HIPK2: variants seen among roughly 807,000 people sequenced by gnomAD.
The protein encoded by HIPK2 is homeodomain interacting protein kinase 2.
HIPK2 carries 27 observed loss-of-function variants against 113.7 expected under a neutral mutation model. That is an observed-to-expected ratio of 0.24 (90% CI 0.17 to 0.33). The LOEUF is 0.33. HIPK2 is among the 10% of genes least tolerant of loss of function. The pLI is 1.00. For missense variants in HIPK2, 1,257 were observed against 1,588.0 expected (o/e 0.79, Z 3.54); for synonymous variants, 631 against 642.2 (o/e 0.98, Z 0.26).
At chr7:139,667,922 G>A (rs1485258313) in intron 2 of HIPK2, among the ~76,000 whole-genome samples, 1 of 151,876 alleles carries the variant, frequency 6.6e-6, no homozygotes, top group Non-Finnish European at 1.5e-5. Context: ...GAGGTCAGGA[G>A]TTCGAGACCA....
intron 1 of HIPK2, among the ~76,000 whole-genome samples, chr7:139,751,841 C>T (rs914586071): frequency 6.6e-6 from 1 of 152,028 alleles, no homozygotes; most frequent in African/African-American, 2.4e-5. Flanking sequence ...CTCTGAGAAA[C>T]ATGTTGAGAA....
At chr7:139,750,708 G>C (rs763327398) in intron 1 of HIPK2, among the ~76,000 whole-genome samples, 5 of 152,216 alleles carry the variant, frequency 3.3e-5, no homozygotes, top group Non-Finnish European at 5.9e-5. Flanking sequence ...AATGAGGACT[G>C]CTGTGAGAAG....
Position 139,631,537 on chromosome 7 carries a change from C to T in HIPK2, c.1227+65G>A, listed in dbSNP as rs1800618060. 2 of 1,583,944 alleles carry T rather than the reference C, an allele frequency of 1.3e-6. No individual in the cohort carries two copies. ...CATTTGTCATGTAATCAATGAAATG[C>T]TAATCCAGGCTATTTTCCAGATGAA... On this transcript the variant is annotated intron_variant, in intron 3 of 14. Coordinates refer to ENST00000406875, the MANE Select transcript of HIPK2 (RefSeq NM_022740.5). This position sits in a 1 kb window ranked among gnomAD's most constrained non-coding sequence, Gnocchi z 4.9.
intron 2 of HIPK2, among the ~76,000 whole-genome samples, chr7:139,712,773 G>A (rs1795109946): frequency 1.3e-5 from 2 of 152,226 alleles, no homozygotes; most frequent in Admixed American, 6.5e-5. Context: ...AGAGCTGGCT[G>A]TCCCACACAG....
intron 12 of HIPK2, among the ~76,000 whole-genome samples, chr7:139,592,663 T>G (rs1036696870): frequency 2.0e-5 from 3 of 152,320 alleles, no homozygotes; most frequent in Non-Finnish European, 2.9e-5. Context: ...AAGGTAAAGA[T>G]AGCAGGGGGG....
intron 11 of HIPK2, 184 bp from the exon 12 acceptor site, chr7:139,597,182 C>A (rs1799252723): frequency 9.2e-6 from 2 of 216,458 alleles, no homozygotes; most frequent in African/African-American, 4.7e-5. Context: ...CACAGGCCTT[C>A]TCTGGGCTCT....
chr7:139,641,929 T>C (rs551559933), intron 2 of HIPK2, among the ~76,000 whole-genome samples: 1 of 152,360 alleles, frequency 6.6e-6, no homozygotes, highest in South Asian at 2.1e-4. Context: ...TGAGTTTTTA[T>C]TTCACCATCT....
rs1003176904 is a variant in HIPK2 at position 139,568,548 on chromosome 7, T to C, written c.*4379A>G. On this transcript the variant is annotated 3_prime_UTR_variant, in exon 15 of 15. Transcript: ENST00000406875. ...GGTTCACCAGGCTCCAGTTAAACAC[T>C]CCTCCGTGACCTGACATTTCAAATC... The C allele has an allele frequency of 5.9e-5, 9 of 152,184 alleles. No homozygotes were observed. Among genetic ancestry groups the C allele is most frequent in the Admixed American group, 2.0e-4 (3 of 15,286 alleles). The allele number at this position is 152,184 out of a possible 1,614,324, so 9.4% of individuals were successfully genotyped here.
intron 2 of HIPK2, among the ~76,000 whole-genome samples, chr7:139,685,523 T>G (rs542987898): frequency 6.6e-6 from 1 of 152,198 alleles, no homozygotes; most frequent in Admixed American, 6.5e-5. Context: ...TCTAGGACTT[T>G]CGTAGCTAGA....
At chr7:139,675,858 G>A (rs1409657101) in intron 2 of HIPK2, among the ~76,000 whole-genome samples, 1 of 152,118 alleles carries the variant, frequency 6.6e-6, no homozygotes, top group African/African-American at 2.4e-5. Context: ...TCAAAATGAT[G>A]CTCTTTCTTC....
intron 1 of HIPK2, among the ~76,000 whole-genome samples, chr7:139,766,793 T>C (rs917596936): frequency 2.6e-5 from 4 of 152,218 alleles, no homozygotes; most frequent in African/African-American, 9.6e-5. Context: ...ATAGAGCTCT[T>C]AAATATTAGT....
At chr7:139,736,128 T>C (rs1303318589) in intron 1 of HIPK2, among the ~76,000 whole-genome samples, 2 of 151,990 alleles carry the variant, frequency 1.3e-5, no homozygotes, top group Non-Finnish European at 2.9e-5. Flanking sequence ...AATGAAAGCA[T>C]GTGGCCAGGG....
intron 2 of HIPK2, among the ~76,000 whole-genome samples, chr7:139,659,908 C>A (rs1008182222): frequency 6.6e-6 from 1 of 152,226 alleles, no homozygotes; most frequent in Non-Finnish European, 1.5e-5. Flanking sequence ...CAAAAACAGA[C>A]CTATTTATAG....
chr7:139,646,276 A>T (rs1252316646), intron 2 of HIPK2, among the ~76,000 whole-genome samples: 1 of 152,120 alleles, frequency 6.6e-6, no homozygotes, highest in Non-Finnish European at 1.5e-5. Flanking sequence ...CGGGAGGATC[A>T]CTTGAGGCCA....
At chr7:139,587,150 A>G (rs1798857811) in intron 12 of HIPK2, among the ~76,000 whole-genome samples, 1 of 152,220 alleles carries the variant, frequency 6.6e-6, no homozygotes, top group African/African-American at 2.4e-5. Context: ...GTACACATTC[A>G]ACGGGTGAAC....
At position 139,573,417 on chromosome 7, in the gene HIPK2, A is replaced by G; in HGVS notation, c.3127-20T>C. 1 of 1,598,998 alleles carries G rather than the reference A, an allele frequency of 6.3e-7. No homozygotes were observed. The highest frequency in any genetic ancestry group is 1.1e-5 in the South Asian group (1 of 90,886). On this transcript the variant is annotated intron_variant, in intron 14 of 14. Transcript: ENST00000406875. The stretch of plus-strand genomic sequence containing the variant: ...CTGAGCCTGGGGAGGAGAGGCACCA[A>G]GAGAGACGTCAGGGGCCGACACATG...
intron 1 of HIPK2, among the ~76,000 whole-genome samples, chr7:139,743,729 A>G (rs1483460856): frequency 6.6e-6 from 1 of 152,210 alleles, no homozygotes; most frequent in Non-Finnish European, 1.5e-5. Context: ...CTTTGTGCTA[A>G]GAAGAGCTCT....
chr7:139,587,770 C>T (rs778754628), intron 12 of HIPK2, among the ~76,000 whole-genome samples: 3 of 151,652 alleles, frequency 2.0e-5, no homozygotes, highest in South Asian at 2.1e-4. Context: ...CCTAGCTGCT[C>T]GGGAGACTGA....
chr7:139,571,604 T>C lies in HIPK2; in HGVS notation c.*1323A>G, dbSNP rs1041184472. ...CTCCTGCTGGCTTCCCTGGCATCCT[T>C]CCGCTAGCAAACAGCCCAGGAAAGA... On this transcript the variant is annotated 3_prime_UTR_variant, in exon 15 of 15. Transcript: ENST00000406875. The C allele has an allele frequency of 6.6e-6, 1 of 151,754 alleles. No homozygotes were observed. The highest frequency in any genetic ancestry group is 1.5e-5 in the Non-Finnish European group (1 of 67,988). The allele number at this position is 151,754 out of a possible 1,614,324, so 9.4% of individuals were successfully genotyped here. A position where few individuals can be genotyped will look rare whatever the true frequency, so the allele number is the denominator to read the frequency against.
Sources: allele counts gnomAD v4.1 joint callset (sites outside exome capture counted in the v4.1 genomes callset), GRCh38; gene constraint gnomAD v4.1.1; non-coding constraint Gnocchi (gnomAD v3.1); transcripts MANE v1.5; gene names NCBI Gene and HGNC (gene_info 2026-07-23, HGNC 2026-07-21).